Variants in POTEE observed in about 807,000 individuals in gnomAD.
POTEE encodes ANKRD26-like family C member 1A.
Under a neutral mutation model 74.2 loss-of-function variants are expected in POTEE, and 21 were observed. That is an observed-to-expected ratio of 0.28 (90% confidence interval 0.20 to 0.41). The LOEUF is 0.41. POTEE is among the 10% of genes least tolerant of loss of function. The pLI, the probability that POTEE is intolerant of heterozygous loss-of-function variation, is 1.00. For synonymous variants in POTEE, 211 were observed against 432.8 expected (o/e 0.49, Z 6.36); for missense variants, 525 against 1,158.6 (o/e 0.45, Z 7.94).
Position 131,263,794 on chromosome 2 carries a change from A to T in POTEE, c.2339A>T (p.Asp780Val), listed in dbSNP as rs1701802978. Residue 780 changes from aspartate (D) to valine (V), a missense_variant, in exon 18 of 18, where the codon GAT becomes GTT. By Grantham distance (152) the Asp-to-Val change is radical. Transcript: ENST00000683005. ...PMEHGIITNW[D>V]DMEKIWHHTF... is the part of the protein sequence containing the mutation. ...GAACACGGCATCATCACCAACTGGG[A>T]TGACATGGAGAAGATCTGGCACCAC... 1 of 1,613,600 alleles carries T rather than the reference A, an allele frequency of 6.2e-7. No homozygotes were observed. Among genetic ancestry groups the T allele is most frequent in the South Asian group, 1.1e-5 (1 of 91,042 alleles).
At chr2:131,256,701 T>TAAG (rs1414796676) in intron 16 of POTEE, among the ~76,000 whole-genome samples, 1 of 135,640 alleles carries the variant, frequency 7.4e-6, no homozygotes, top group African/African-American at 2.9e-5. Context: ...ATCCCCTTTC[T>TAAG]AAGAAGAAGA....
chr2:131,223,103 T>G (rs968864658), intron 4 of POTEE, among the ~76,000 whole-genome samples: 20 of 151,488 alleles, frequency 1.3e-4, no homozygotes, highest in African/African-American at 4.9e-4. Context: ...CACCTGAAAG[T>G]GTAGGTATAA....
chr2:131,262,985 CA>C (rs1390381835), intron 17 of POTEE, among the ~76,000 whole-genome samples: 2 of 151,852 alleles, frequency 1.3e-5, no homozygotes, highest in African/African-American at 2.4e-5. Context: ...AAAATGTAGT[CA>C]AATTATTAAT....
At chr2:131,218,231 C>T (rs1700495895) in intron 3 of POTEE, 79 bp from the exon 4 acceptor site, 13 of 1,016,726 alleles carry the variant, frequency 1.3e-5, no homozygotes, top group Non-Finnish European at 1.2e-5. Flanking sequence ...TGGGTTTTCC[C>T]TGGGTGGGGT....
intron 16 of POTEE, among the ~76,000 whole-genome samples, chr2:131,260,175 G>GT (rs1200780727): frequency 6.7e-6 from 1 of 148,574 alleles, no homozygotes; most frequent in African/African-American, 2.6e-5. Flanking sequence ...ATTGATCTAT[G>GT]TATCTGTTTT....
intron 9 of POTEE, among the ~76,000 whole-genome samples, chr2:131,231,850 T>C (rs1488476713): frequency 6.6e-6 from 1 of 152,158 alleles, no homozygotes. Context: ...ACATTTATAG[T>C]CCAAACTGTA....
intron 8 of POTEE, 103 bp from the exon 9 acceptor site, chr2:131,230,733 A>G: frequency 7.5e-7 from 1 of 1,335,390 alleles, no homozygotes; most frequent in Non-Finnish European, 1.0e-6. Context: ...AAGTTCTGTT[A>G]TTCTGATATT....
At chr2:131,213,576 TTGA>T (rs1170510314) in intron 2 of POTEE, among the ~76,000 whole-genome samples, 1 of 150,066 alleles carries the variant, frequency 6.7e-6, no homozygotes, top group African/African-American at 2.5e-5. Context: ...TTGTCCAGAG[TTGA>T]TGGGGTGCAG....
At chr2:131,262,693 C>T (rs1196392866) in intron 17 of POTEE, among the ~76,000 whole-genome samples, 5 of 152,072 alleles carry the variant, frequency 3.3e-5, no homozygotes, top group South Asian at 4.1e-4. Context: ...TTAAGAATCG[C>T]GATCTTAAAT....
intron 2 of POTEE, among the ~76,000 whole-genome samples, chr2:131,215,483 G>A (rs1049037305): frequency 2.0e-5 from 3 of 151,574 alleles, no homozygotes; most frequent in Non-Finnish European, 4.4e-5. Flanking sequence ...CAAGACTTAC[G>A]CTAGAACTTT....
intron 4 of POTEE, among the ~76,000 whole-genome samples, chr2:131,223,064 A>G (rs574743491): frequency 6.6e-6 from 1 of 151,886 alleles, no homozygotes; most frequent in Non-Finnish European, 1.5e-5. Flanking sequence ...AATCACTAAA[A>G]TACAATGTTA....
In POTEE at chr2:131,263,961, A is replaced by G; in HGVS notation, c.2506A>G (p.Ile836Val). 2 of 1,614,190 alleles carry G rather than the reference A, an allele frequency of 1.2e-6. No homozygotes were observed. The highest frequency in any genetic ancestry group is 1.7e-6 in the Non-Finnish European group (2 of 1,180,036). Residue 836 changes from isoleucine to valine, a missense_variant, in exon 18 of 18, where the codon ATC becomes GTC. By Grantham distance (29) the Ile-to-Val change is conservative. Transcript: ENST00000683005. ...TFNTPAMYVA[I>V]QAVPSLYTSG... ...CAACACCCCAGCCATGTACGTGGCCATCCAGGCCGTGCCGTCCCTGTACAC... is the reference window on the plus strand; with the variant it reads ...CAACACCCCAGCCATGTACGTGGCCGTCCAGGCCGTGCCGTCCCTGTACAC...
At chr2:131,221,284 T>C (rs953779972) in intron 4 of POTEE, among the ~76,000 whole-genome samples, 96 of 152,220 alleles carry the variant, frequency 6.3e-4, no homozygotes, top group Non-Finnish European at 7.5e-4. Context: ...TATGTAACTA[T>C]TGAGGTTGTC....
At chr2:131,222,876 G>A (rs1423480415) in intron 4 of POTEE, among the ~76,000 whole-genome samples, 4 of 151,772 alleles carry the variant, frequency 2.6e-5, no homozygotes, top group Admixed American at 1.3e-4. Context: ...TCATCTGACT[G>A]GAACCGCCCC....
intron 6 of POTEE, among the ~76,000 whole-genome samples, chr2:131,226,578 G>A (rs1700786342): frequency 6.7e-6 from 1 of 148,180 alleles, no homozygotes; most frequent in South Asian, 2.2e-4. Context: ...AAGAGCCTTG[G>A]AAGCAGTAAA....
intron 9 of POTEE, among the ~76,000 whole-genome samples, chr2:131,235,792 C>CAAAAAAAAAAAAAAAAAAAAA (rs1203876832): frequency 1.3e-5 from 1 of 79,136 alleles, no homozygotes; most frequent in African/African-American, 5.6e-5. Flanking sequence ...GACCCTGGCT[C>CAAAAAAAAAAAAAAAAAAAAA]AAAAAAAAAA....
chr2:131,264,066 C>A lies in POTEE; in HGVS notation c.2611C>A (p.Leu871Ile), dbSNP rs532221342. ...HTVPIYEGNA[L>I]PHATLRLDLA... is the part of the protein sequence containing the mutation. Reference sequence around the variant, plus strand: ...TGTGCCCATCTATGAGGGGAATGCCCTCCCCCATGCCACCCTGCGCCTAGA... The same window carrying A: ...TGTGCCCATCTATGAGGGGAATGCCATCCCCCATGCCACCCTGCGCCTAGA... Residue 871 changes from leucine (L) to isoleucine (I), a missense_variant, in exon 18 of 18, where the codon CTC (leucine) becomes ATC (isoleucine). Physicochemically the swap from Leu to Ile is conservative, Grantham distance 5 (BLOSUM62 2). Transcript: ENST00000683005. The A allele has an allele frequency of 3.7e-6, 6 of 1,614,242 alleles. No homozygotes were observed. In the African/African-American group the frequency reaches 6.7e-5, roughly 18 times the overall value.
chr2:131,239,818 C>T (rs1411620546), intron 12 of POTEE, among the ~76,000 whole-genome samples: 1 of 152,172 alleles, frequency 6.6e-6, no homozygotes, highest in African/African-American at 2.4e-5. Context: ...TTTTGGTCGT[C>T]TCCCTCCCGC....
At chr2:131,248,789 A>G (rs1452397849) in intron 13 of POTEE, among the ~76,000 whole-genome samples, 2 of 147,862 alleles carry the variant, frequency 1.4e-5, no homozygotes, top group African/African-American at 4.9e-5. Context: ...TGTGAGTCAC[A>G]GCTGCCAGAA....
Sources: gnomAD v4.1 joint callset for allele counts (sites outside exome capture counted in the v4.1 genomes callset) on GRCh38, gnomAD v4.1.1 for gene constraint, MANE v1.5 for transcripts, NCBI Gene and HGNC (gene_info 2026-07-23, HGNC 2026-07-21) for gene names.